The following DCP1A variants were observed in gnomAD, a reference collection of about 807,000 sequenced individuals.
The protein encoded by DCP1A is decapping mRNA 1A.
In DCP1A, 20 loss-of-function variants were observed where a neutral mutation model predicts 58.0. The observed-to-expected ratio is 0.34, with a 90% CI of 0.24 to 0.50. The LOEUF (loss-of-function observed/expected upper bound fraction) is 0.50, where lower values mean the gene tolerates loss of function less well. DCP1A is among the 20% of genes least tolerant of loss of function. The pLI, the probability that DCP1A is intolerant of heterozygous loss-of-function variation, is 0.98. For missense variants in DCP1A, 613 were observed against 712.2 expected (o/e 0.86, Z 1.59); for synonymous variants, 285 against 275.1 (o/e 1.04, Z -0.36).
At position 53,304,255 on chromosome 3, in the gene DCP1A, C is replaced by T. The variant is rs1553687715; in HGVS notation, c.546G>A (p.Gly182=). The T allele has an allele frequency of 2.5e-6, 4 of 1,613,412 alleles. No individual in the cohort carries two copies. Among genetic ancestry groups the T allele is most frequent in the Admixed American group, 1.7e-5 (1 of 59,946 alleles). Residue 182 remains glycine, a synonymous_variant, in exon 6 of 10, where the codon GGG becomes GGA. Transcript: ENST00000610213. ...TGGAGAGCTGAGTGCTTGGCTGTAA[C>T]CCAGGGCTGGAGATATTTGAGTCAC... is the stretch of plus-strand genomic sequence containing the variant. The part of the protein sequence containing the change: ...QMGDSNISSP[G]LQPSTQLSNL...
At chr3:53,324,766 A>T (rs1251299605) in intron 3 of DCP1A, among the ~76,000 whole-genome samples, 1 of 152,192 alleles carries the variant, frequency 6.6e-6, no homozygotes, top group Non-Finnish European at 1.5e-5. Flanking sequence ...CATGCCTCTA[A>T]TCCCAACACT....
At chr3:53,324,331 C>A (rs1246485359) in intron 3 of DCP1A, among the ~76,000 whole-genome samples, 1 of 152,184 alleles carries the variant, frequency 6.6e-6, no homozygotes, top group Admixed American at 6.5e-5. Context: ...ACGGTCAGTG[C>A]GTGCAACTGG....
chr3:53,317,287 T>A (rs1553689355), intron 4 of DCP1A, among the ~76,000 whole-genome samples: 3 of 152,120 alleles, frequency 2.0e-5, no homozygotes, highest in African/African-American at 7.2e-5. Context: ...CGCCTCAGCC[T>A]CCCGAGTAGC....
chr3:53,332,459 T>C (rs982154603), intron 3 of DCP1A, among the ~76,000 whole-genome samples: 1 of 152,260 alleles, frequency 6.6e-6, no homozygotes, highest in Non-Finnish European at 1.5e-5. Context: ...CTTCCTTTAG[T>C]TGGAACACAT....
In DCP1A at chr3:53,304,271, T is replaced by A. The variant is rs1553687723; in HGVS notation, c.530A>T (p.Asn177Ile). ...TGGCTGTAACCCAGGGCTGGAGATA[T>A]TTGAGTCACCCATCTGATTCTTTAA... ...EYERNQMGDS[N>I]ISSPGLQPST... is the part of the protein sequence containing the mutation. The change falls in exon 6 of 10, where the codon AAT becomes ATT. Residue 177 changes from asparagine (N) to isoleucine (I), a missense_variant. Asn to Ile is a moderately radical substitution (Grantham distance 149). Coordinates refer to ENST00000610213, the MANE Select transcript of DCP1A (RefSeq NM_018403.7). 9 of 1,612,920 alleles carry A rather than the reference T, an allele frequency of 5.6e-6. No homozygotes were observed. Among genetic ancestry groups the A allele is most frequent in the Non-Finnish European group, 7.6e-6 (9 of 1,179,494 alleles).
intron 4 of DCP1A, among the ~76,000 whole-genome samples, chr3:53,314,947 C>T (rs1207953400): frequency 1.3e-5 from 2 of 151,958 alleles, no homozygotes; most frequent in Admixed American, 1.3e-4. Flanking sequence ...GCTGGGATTA[C>T]AGGCGTGAGC....
chr3:53,287,342 CTTTTTTT>C lies in DCP1A; in HGVS notation c.*231_*237del, dbSNP rs35716152. On this transcript the variant is annotated 3_prime_UTR_variant, in exon 10 of 10. Transcript: ENST00000610213. ...CATAACTTAACACAATGATCGCTCT[CTTTTTTT>C]TTTTTTTTTTTTTTTTTTTTGTCAA... 2,072 of 166,744 alleles carry C rather than the reference CTTTTTTT, an allele frequency of 0.012. 14 individuals are homozygous for C. Among genetic ancestry groups the C allele is most frequent in the Middle Eastern group, 0.029 (13 of 444 alleles). 10.3% of individuals were successfully genotyped at this position (166,744 alleles called of 1,614,324 possible). A position where few individuals can be genotyped will look rare whatever the true frequency, so the allele number is the denominator to read the frequency against.
At chr3:53,307,830 T>C (rs1553688259) in intron 5 of DCP1A, among the ~76,000 whole-genome samples, 2 of 152,230 alleles carry the variant, frequency 1.3e-5, no homozygotes, top group African/African-American at 4.8e-5. Context: ...AGGATTTAGC[T>C]ATAAGGATAT....
intron 6 of DCP1A, among the ~76,000 whole-genome samples, chr3:53,298,417 TATA>T (rs1230826774): frequency 6.6e-6 from 1 of 152,168 alleles, no homozygotes; most frequent in African/African-American, 2.4e-5. Flanking sequence ...GGTTTTCTCA[TATA>T]AGAGAGAATA....
At chr3:53,312,753 A>G (rs1416518435) in intron 4 of DCP1A, among the ~76,000 whole-genome samples, 1 of 152,072 alleles carries the variant, frequency 6.6e-6, no homozygotes, top group African/African-American at 2.4e-5. Context: ...GGCCTCCCCA[A>G]GTGCTGGGAT....
At chr3:53,304,320 C>T in intron 5 of DCP1A, 30 bp from the exon 6 acceptor site, 1 of 1,538,170 alleles carries the variant, frequency 6.5e-7, no homozygotes, top group Non-Finnish European at 8.9e-7. Flanking sequence ...AAAAATATAT[C>T]TTGTGAAAAA....
At chr3:53,290,755 A>C in intron 8 of DCP1A, 36 bp downstream of exon 8, 2 of 1,255,474 alleles carry the variant, frequency 1.6e-6, no homozygotes, top group Non-Finnish European at 2.2e-6. Flanking sequence ...GTCTTAAAAA[A>C]AAAAAAAAAA....
chr3:53,298,677 T>C (rs1295987530), intron 6 of DCP1A, among the ~76,000 whole-genome samples: 3 of 152,174 alleles, frequency 2.0e-5, no homozygotes, highest in Admixed American at 6.5e-5. Context: ...AAAGTATAGG[T>C]TACCTAATCA....
chr3:53,325,762 A>C (rs1708088175), intron 3 of DCP1A, among the ~76,000 whole-genome samples: 1 of 152,124 alleles, frequency 6.6e-6, no homozygotes, highest in Non-Finnish European at 1.5e-5. Context: ...GAAGACAAGA[A>C]AGGCTCTAGG....
intron 6 of DCP1A, among the ~76,000 whole-genome samples, chr3:53,299,072 G>A (rs980662540): frequency 2.0e-5 from 3 of 152,148 alleles, no homozygotes; most frequent in African/African-American, 7.2e-5. Flanking sequence ...GAATGAAATC[G>A]CCTAATGACA....
chr3:53,326,569 T>C (rs2106866025), intron 3 of DCP1A, among the ~76,000 whole-genome samples: 1 of 152,352 alleles, frequency 6.6e-6, no homozygotes, highest in African/African-American at 2.4e-5. Flanking sequence ...GCTCTGCTTC[T>C]TGTCAGATCA....
chr3:53,299,626 A>G (rs1195034456), intron 6 of DCP1A, among the ~76,000 whole-genome samples: 4 of 152,246 alleles, frequency 2.6e-5, no homozygotes, highest in Admixed American at 1.3e-4. Context: ...AATACACTAC[A>G]GAAACAATCC....
intron 3 of DCP1A, among the ~76,000 whole-genome samples, chr3:53,333,358 C>G (rs1370972770): frequency 3.9e-5 from 6 of 151,958 alleles, no homozygotes; most frequent in Non-Finnish European, 7.4e-5. Context: ...CTTGGGCAGG[C>G]TGGTCTTGAA....
At chr3:53,303,916 T>C (rs1297352070) in intron 6 of DCP1A, among the ~76,000 whole-genome samples, 1 of 152,206 alleles carries the variant, frequency 6.6e-6, no homozygotes, top group Non-Finnish European at 1.5e-5. Flanking sequence ...ATCTGACTTA[T>C]GTTTTGCAAG....
Sources: allele counts gnomAD v4.1 joint callset (sites outside exome capture counted in the v4.1 genomes callset), GRCh38; gene constraint gnomAD v4.1.1; transcripts MANE v1.5; gene names NCBI Gene and HGNC (gene_info 2026-07-23, HGNC 2026-07-21).